Variants in WDR89 observed in about 807,000 individuals in gnomAD.
WDR89 encodes WD repeat-containing protein 89.
A neutral mutation model predicts 29.1 loss-of-function variants in WDR89; 17 were observed. That is an observed-to-expected ratio of 0.58 (90% CI 0.40 to 0.88). WDR89 has a LOEUF of 0.88. Ranked by LOEUF, WDR89 falls within the 40% of genes least tolerant of loss-of-function variation. The pLI is 0.00. For synonymous variants in WDR89, 138 were observed against 157.8 expected, an observed-to-expected ratio of 0.87 and a Z score of 0.94; for missense variants, 396 against 456.3, an observed-to-expected ratio of 0.87 and a Z score of 1.20.
intron 1 of WDR89, among the ~76,000 whole-genome samples, chr14:63,637,639 T>G (rs980261252): frequency 1.3e-5 from 2 of 152,000 alleles, no homozygotes; most frequent in African/African-American, 4.8e-5. Flanking sequence ...AGAAATGAAT[T>G]AACAGCATTT....
intron 2 of WDR89, among the ~76,000 whole-genome samples, chr14:63,619,887 C>G (rs1882571221): frequency 6.6e-6 from 1 of 151,598 alleles, no homozygotes; most frequent in South Asian, 2.1e-4. Flanking sequence ...TGCCTATAAT[C>G]CAAGCTACTC....
chr14:63,621,730 C>T (rs1441704053), intron 2 of WDR89: 2 of 152,186 alleles, frequency 1.3e-5, no homozygotes, highest in Non-Finnish European at 2.9e-5. Flanking sequence ...AAAATGCCTT[C>T]TGAAAAAGAG....
chr14:63,625,403 C>CT (rs762564506), intron 1 of WDR89, among the ~76,000 whole-genome samples: 11 of 152,030 alleles, frequency 7.2e-5, no homozygotes, highest in Non-Finnish European at 1.5e-4. Context: ...AAACTACATA[C>CT]TTACAATTCA....
intron 1 of WDR89, among the ~76,000 whole-genome samples, chr14:63,630,362 G>C (rs1325701799): frequency 6.6e-6 from 1 of 151,384 alleles, no homozygotes; most frequent in East Asian, 2.0e-4. Flanking sequence ...CAGACAAGGG[G>C]CTGGGCGCGG....
chr14:63,619,431 T>G (rs1882529477), intron 2 of WDR89, among the ~76,000 whole-genome samples: 1 of 151,994 alleles, frequency 6.6e-6, no homozygotes, highest in African/African-American at 2.4e-5. Context: ...GAATGCAATT[T>G]TAAAGAGACA....
At chr14:63,611,234 G>GGCT (rs1405972248) in intron 2 of WDR89, among the ~76,000 whole-genome samples, 1 of 151,118 alleles carries the variant, frequency 6.6e-6, no homozygotes, top group Admixed American at 6.6e-5. Flanking sequence ...CTACTAAGAA[G>GGCT]GCTGAGGCAT....
In WDR89 at chr14:63,612,368, C is replaced by T. The variant is rs373312073; in HGVS notation, c.-31-12395G>A. 1.1e-4 allele frequency among the ~76,000 whole-genome samples: 16 copies of T among 151,406 alleles called. 1 individual carries two copies. Among genetic ancestry groups the T allele is most frequent in the African/African-American group, 2.9e-4 (12 of 41,266 alleles). ...TTGAGACGGAATCTCCTCTGTCGCC[C>T]GGGCTAGAGTGTAGTGGTGGGATCT... On this transcript the variant is annotated intron_variant, in intron 2 of 2. Transcript: ENST00000620954.
At chr14:63,601,880 C>T (rs1895080785) in intron 2 of WDR89, 1 of 609,492 alleles carries the variant, frequency 1.6e-6, no homozygotes, top group South Asian at 2.2e-5. Flanking sequence ...TGAAATCTTT[C>T]ATCATGTAAA....
At chr14:63,623,077 T>C (rs1331195930) in intron 2 of WDR89, among the ~76,000 whole-genome samples, 1 of 151,162 alleles carries the variant, frequency 6.6e-6, no homozygotes, top group Non-Finnish European at 1.5e-5. Context: ...CAGGTGCCTG[T>C]AGTCCCAGCT....
At chr14:63,602,160 G>C (rs979738215) in intron 2 of WDR89, among the ~76,000 whole-genome samples, 3 of 152,096 alleles carry the variant, frequency 2.0e-5, no homozygotes, top group African/African-American at 4.8e-5. Context: ...ACAATGTATG[G>C]CATATCATAG....
intron 2 of WDR89, among the ~76,000 whole-genome samples, chr14:63,623,328 A>G (rs1373640198): frequency 1.3e-5 from 2 of 152,108 alleles, no homozygotes; most frequent in African/African-American, 4.8e-5. Context: ...CCAATCAAAA[A>G]GAAAAAGATG....
chr14:63,617,720 A>G (rs779710964), intron 2 of WDR89, among the ~76,000 whole-genome samples: 10 of 151,406 alleles, frequency 6.6e-5, no homozygotes, highest in Non-Finnish European at 1.5e-4. Flanking sequence ...CCTGGCATCA[A>G]GTGATCCGCC....
chr14:63,606,973 A>T (rs537257062), intron 2 of WDR89, among the ~76,000 whole-genome samples: 1 of 152,332 alleles, frequency 6.6e-6, no homozygotes, highest in Non-Finnish European at 1.5e-5. Flanking sequence ...CTATGTAAGT[A>T]TTAAAGTACT....
intron 1 of WDR89, among the ~76,000 whole-genome samples, chr14:63,633,562 G>T (rs1251284750): frequency 1.3e-5 from 2 of 152,072 alleles, no homozygotes; most frequent in Non-Finnish European, 2.9e-5. Flanking sequence ...TCCAAATTAG[G>T]AGACCATTCA....
intron 2 of WDR89, among the ~76,000 whole-genome samples, chr14:63,610,797 G>A (rs1241182074): frequency 6.6e-6 from 1 of 150,702 alleles, no homozygotes; most frequent in Non-Finnish European, 1.5e-5. Flanking sequence ...CCACCTCCTG[G>A]TTCAATCAAT....
At chr14:63,622,910 G>C (rs968743611) in intron 2 of WDR89, among the ~76,000 whole-genome samples, 10 of 152,014 alleles carry the variant, frequency 6.6e-5, no homozygotes, top group African/African-American at 2.2e-4. Flanking sequence ...AGTCAAAAAG[G>C]ATATAATGGG....
chr14:63,600,044 T>C, intron 2 of WDR89, 71 bp from the exon 3 acceptor site: 2 of 956,258 alleles, frequency 2.1e-6, no homozygotes, highest in South Asian at 3.5e-5. Context: ...AAATTTAACT[T>C]GAAGTTTCTC....
At chr14:63,626,015 A>G (rs1225249682) in intron 1 of WDR89, among the ~76,000 whole-genome samples, 1 of 151,988 alleles carries the variant, frequency 6.6e-6, no homozygotes, top group South Asian at 2.1e-4. Context: ...TGCCACACCC[A>G]GCTAATTTTT....
chr14:63,611,963 A>T (rs1882018513), intron 2 of WDR89, among the ~76,000 whole-genome samples: 1 of 152,060 alleles, frequency 6.6e-6, no homozygotes, highest in Non-Finnish European at 1.5e-5. Flanking sequence ...CTTGAGCTCA[A>T]GTGATCCGCC....
Sources: allele counts gnomAD v4.1 joint callset (sites outside exome capture counted in the v4.1 genomes callset), GRCh38; gene constraint gnomAD v4.1.1; transcripts MANE v1.5; gene names NCBI Gene and HGNC (gene_info 2026-07-23, HGNC 2026-07-21).